Variants in DLG2 observed in about 807,000 individuals in gnomAD.
The protein encoded by DLG2 is discs large MAGUK scaffold protein 2.
A neutral mutation model predicts 132.5 loss-of-function variants in DLG2; 45 were observed. The ratio of observed to expected loss-of-function variants is 0.34; its 90% CI spans 0.27 to 0.44. The LOEUF (loss-of-function observed/expected upper bound fraction) is 0.44. Ranked by LOEUF, DLG2 falls within the 20% of genes least tolerant of loss-of-function variation. The probability of loss-of-function intolerance (pLI) is 1.00; values close to 1 mark genes in which losing one functional copy is unlikely to be tolerated. For synonymous variants in DLG2, 424 were observed against 419.6 expected (o/e 1.01, Z -0.13); for missense variants, 1,045 against 1,196.9 (o/e 0.87, Z 1.87).
intron 4 of DLG2, among the ~76,000 whole-genome samples, chr11:85,205,179 T>TATATATAA (rs1565155498): frequency 6.8e-6 from 1 of 148,016 alleles, no homozygotes; most frequent in Non-Finnish European, 1.5e-5. Flanking sequence ...TATATATATA[T>TATATATAA]AACAATGGAA....
chr11:84,425,991 C>A (rs1186561888), intron 7 of DLG2, among the ~76,000 whole-genome samples: 1 of 151,932 alleles, frequency 6.6e-6, no homozygotes. Context: ...GGAAGCAGGG[C>A]ACTGAAGACA....
At chr11:84,310,177 G>C (rs753816802) in intron 7 of DLG2, among the ~76,000 whole-genome samples, 4 of 152,178 alleles carry the variant, frequency 2.6e-5, no homozygotes, top group Admixed American at 6.5e-5. Flanking sequence ...GAGATTTATA[G>C]AGGTCTCCTT....
At chr11:83,699,717 AC>A (rs550166484) in intron 18 of DLG2, among the ~76,000 whole-genome samples, 341 of 140,674 alleles carry the variant, frequency 2.4e-3, no homozygotes, top group Non-Finnish European at 3.4e-3. Flanking sequence ...CTAAAAAAAA[AC>A]ATAATAATAA....
intron 6 of DLG2, among the ~76,000 whole-genome samples, chr11:84,589,975 G>T (rs1478757938): frequency 1.3e-5 from 2 of 152,144 alleles, no homozygotes; most frequent in Non-Finnish European, 2.9e-5. Flanking sequence ...TACCACCTAT[G>T]TTTAATATTT....
chr11:84,597,998 C>T (rs1374752607), intron 6 of DLG2, among the ~76,000 whole-genome samples: 1 of 152,126 alleles, frequency 6.6e-6, no homozygotes, highest in Non-Finnish European at 1.5e-5. Flanking sequence ...ATTATTAAAA[C>T]TCCAATAAGG....
At chr11:84,280,362 G>T (rs1043047030) in intron 7 of DLG2, among the ~76,000 whole-genome samples, 5 of 150,756 alleles carry the variant, frequency 3.3e-5, no homozygotes, top group Non-Finnish European at 5.9e-5. Context: ...CCTGTATCCC[G>T]GGTTCAAGCA....
At chr11:83,723,788 G>A (rs373875469) in intron 18 of DLG2, among the ~76,000 whole-genome samples, 11 of 151,990 alleles carry the variant, frequency 7.2e-5, no homozygotes, top group African/African-American at 2.7e-4. Context: ...CCTGGGAGGC[G>A]GAGGTTGCAG....
chr11:84,360,447 G>A (rs1486119539), intron 7 of DLG2, among the ~76,000 whole-genome samples: 2 of 151,778 alleles, frequency 1.3e-5, no homozygotes, highest in Non-Finnish European at 2.9e-5. Flanking sequence ...TAAATAACTG[G>A]AAAACAAGAA....
chr11:84,042,561 T>C (rs1238614236), intron 11 of DLG2, among the ~76,000 whole-genome samples: 1 of 151,928 alleles, frequency 6.6e-6, no homozygotes, highest in African/African-American at 2.4e-5. Context: ...TATATGTCTC[T>C]TGGTAGCATT....
chr11:84,734,049 T>A (rs1266917020), intron 6 of DLG2, among the ~76,000 whole-genome samples: 27 of 152,192 alleles, frequency 1.8e-4, no homozygotes, highest in Non-Finnish European at 3.5e-4. Flanking sequence ...AGCCTTGTAA[T>A]ATAGTTTGAA....
At chr11:84,154,776 A>G (rs1246767066) in intron 9 of DLG2, among the ~76,000 whole-genome samples, 1 of 151,952 alleles carries the variant, frequency 6.6e-6, no homozygotes, top group Non-Finnish European at 1.5e-5. Flanking sequence ...GCGATAGTTT[A>G]CTGAGAATGA....
chr11:83,750,224 A>G (rs1279578942), intron 18 of DLG2, among the ~76,000 whole-genome samples: 2 of 152,186 alleles, frequency 1.3e-5, no homozygotes, highest in Non-Finnish European at 2.9e-5. Flanking sequence ...AGGATAAAGA[A>G]TATGGGTTTT....
At chr11:83,509,409 A>C (rs942306092) in intron 21 of DLG2, among the ~76,000 whole-genome samples, 2 of 152,228 alleles carry the variant, frequency 1.3e-5, no homozygotes, top group African/African-American at 4.8e-5. Context: ...ACTGGAACCC[A>C]AATCTCTCCA....
intron 6 of DLG2, among the ~76,000 whole-genome samples, chr11:84,587,813 C>T (rs1291746059): frequency 6.6e-6 from 1 of 152,114 alleles, no homozygotes; most frequent in African/African-American, 2.4e-5. Flanking sequence ...CTATTTAGCT[C>T]TATTCTTACT....
chr11:83,774,633 C>T (rs78322242), intron 18 of DLG2, among the ~76,000 whole-genome samples: 4,771 of 152,146 alleles, frequency 0.031, 232 homozygotes, highest in African/African-American at 0.11. Flanking sequence ...CTGCTGCTTC[C>T]CAAACTCTGT....
chr11:83,678,347 A>G (rs2078127846), intron 18 of DLG2, among the ~76,000 whole-genome samples: 1 of 152,208 alleles, frequency 6.6e-6, no homozygotes. Context: ...AACTCAAGGT[A>G]GGCTGACTCA....
intron 6 of DLG2, among the ~76,000 whole-genome samples, chr11:85,070,018 C>T (rs2065574673): frequency 1.3e-5 from 2 of 151,798 alleles, no homozygotes; most frequent in African/African-American, 2.4e-5. Context: ...ATGGATGAAG[C>T]TGGAAACCAT....
intron 19 of DLG2, among the ~76,000 whole-genome samples, chr11:83,574,783 G>T (rs572721321): frequency 6.6e-6 from 1 of 152,272 alleles, no homozygotes; most frequent in Admixed American, 6.5e-5. Context: ...TGTCTAAAAC[G>T]ATTGGATCCA....
chr11:84,015,102 C>T (rs1566045547), intron 11 of DLG2, among the ~76,000 whole-genome samples: 1 of 152,134 alleles, frequency 6.6e-6, no homozygotes, highest in East Asian at 1.9e-4. Context: ...TAATCATTCA[C>T]CTATTCAATA....
Sources: allele counts gnomAD v4.1 joint callset (sites outside exome capture counted in the v4.1 genomes callset), GRCh38; gene constraint gnomAD v4.1.1; transcripts MANE v1.5; gene names NCBI Gene and HGNC (gene_info 2026-07-23, HGNC 2026-07-21).